TMEM131L: variants seen among roughly 807,000 people sequenced by gnomAD.
TMEM131L encodes transmembrane 131 like.
Under a neutral mutation model 192.2 loss-of-function variants are expected in TMEM131L, and 54 were observed. The observed-to-expected ratio is 0.28, with a 90% CI of 0.23 to 0.35. TMEM131L has a LOEUF of 0.35. Ranked by LOEUF, TMEM131L falls within the 10% of genes least tolerant of loss-of-function variation. The probability of loss-of-function intolerance (pLI) is 1.00; values close to 1 mark genes in which losing one functional copy is unlikely to be tolerated. For missense variants in TMEM131L, 1,888 were observed against 1,972.9 expected (o/e 0.96, Z 0.82); for synonymous variants, 701 against 704.9 (o/e 0.99, Z 0.09).
chr4:153,597,654 C>CA (rs1274121057), intron 20 of TMEM131L, among the ~76,000 whole-genome samples: 16 of 152,222 alleles, frequency 1.1e-4, no homozygotes, highest in Admixed American at 3.3e-4. Context: ...ATTTCCAGGC[C>CA]AGGTGTAGTG....
In TMEM131L at chr4:153,491,233, C is replaced by T. The variant is rs116907202; in HGVS notation, c.239+17345C>T. 2.7e-3 allele frequency among the ~76,000 whole-genome samples: 417 copies of T among 152,164 alleles called. 12 individuals are homozygous for T. In the East Asian group the frequency reaches 0.062, roughly 22 times the overall value. ...GAAACTGGTGAAGGAAAGACATGTT[C>T]CTAGAGAGCTGAACACCTGTAATAT... On this transcript the variant is annotated intron_variant, in intron 3 of 34. Transcript: ENST00000409959.
intron 26 of TMEM131L, 25 bp downstream of exon 26, chr4:153,612,425 TAA>T: frequency 6.4e-7 from 1 of 1,559,492 alleles, no homozygotes; most frequent in Non-Finnish European, 8.6e-7. Context: ...TCTTGCCTAT[TAA>T]AAACAAAATC....
chr4:153,510,431 T>C (rs1158568869), intron 3 of TMEM131L, among the ~76,000 whole-genome samples: 1 of 152,208 alleles, frequency 6.6e-6, no homozygotes, highest in Non-Finnish European at 1.5e-5. Context: ...TTCTCTTTCA[T>C]GATTACCATT....
intron 7 of TMEM131L, among the ~76,000 whole-genome samples, chr4:153,575,902 C>G (rs1729903939): frequency 6.6e-6 from 1 of 151,960 alleles, no homozygotes. Flanking sequence ...TGTGGTTGCC[C>G]CCTGGCTAAC....
chr4:153,520,389 A>C (rs1354267065), intron 3 of TMEM131L, among the ~76,000 whole-genome samples: 1 of 152,148 alleles, frequency 6.6e-6, no homozygotes, highest in Non-Finnish European at 1.5e-5. Context: ...AGGATAGCTG[A>C]TCACTGGAGG....
rs1174758652 is a variant in TMEM131L at position 153,555,534 on chromosome 4, T to C, written c.309-253T>C. Among the ~76,000 whole-genome samples the C allele has an allele frequency of 1.3e-5, 2 of 152,226 alleles. No individual in the cohort carries two copies. The highest frequency in any genetic ancestry group is 1.9e-4 in the East Asian group (1 of 5,206). ...TAGATGGGTTAAATTTTTCTAACAC[T>C]GAAACCAATGGAGTGCTACTGTGGG... On this transcript the variant is annotated intron_variant, in intron 4 of 34. Coordinates refer to ENST00000409959, the MANE Select transcript of TMEM131L (RefSeq NM_001131007.2). This position sits in a 1 kb window ranked among gnomAD's most constrained non-coding sequence, Gnocchi z 4.1.
intron 3 of TMEM131L, among the ~76,000 whole-genome samples, chr4:153,548,184 T>C (rs1737336093): frequency 6.6e-6 from 1 of 152,262 alleles, no homozygotes; most frequent in Non-Finnish European, 1.5e-5. Context: ...GGATTAGTGC[T>C]GGCCTTTTAG....
chr4:153,554,439 G>T (rs1580202598), intron 4 of TMEM131L, among the ~76,000 whole-genome samples: 2 of 152,288 alleles, frequency 1.3e-5, no homozygotes, highest in South Asian at 4.1e-4. Flanking sequence ...TTAAAAGGAA[G>T]GGTGAAAGCC....
At chr4:153,490,721 C>T (rs1264169453) in intron 3 of TMEM131L, among the ~76,000 whole-genome samples, 4 of 151,708 alleles carry the variant, frequency 2.6e-5, no homozygotes, top group South Asian at 2.1e-4. Context: ...TTTGGGAGGC[C>T]GAGGCGGGTG....
At chr4:153,493,345 C>CA (rs35052272) in intron 3 of TMEM131L, among the ~76,000 whole-genome samples, 810 of 72,708 alleles carry the variant, frequency 0.011, 11 homozygotes, top group African/African-American at 0.022. Flanking sequence ...GACTCTGTCT[C>CA]AAAAAAAAAA....
chr4:153,488,193 G>C (rs1333699801), intron 3 of TMEM131L, among the ~76,000 whole-genome samples: 1 of 152,104 alleles, frequency 6.6e-6, no homozygotes, highest in African/African-American at 2.4e-5. Context: ...GCCTGTGGCT[G>C]AGTTGTGTGT....
chr4:153,497,438 G>A (rs1421329060), intron 3 of TMEM131L, among the ~76,000 whole-genome samples: 1 of 152,020 alleles, frequency 6.6e-6, no homozygotes, highest in Non-Finnish European at 1.5e-5. Context: ...GTTACACCTC[G>A]GTTTTAAGCA....
chr4:153,467,143 T>G (rs1579992981), intron 1 of TMEM131L, 68 bp from the exon 2 acceptor site: 2 of 1,448,642 alleles, frequency 1.4e-6, no homozygotes, highest in Non-Finnish European at 9.5e-7. Flanking sequence ...GGAGGGACGG[T>G]AGGGGAAACA....
chr4:153,613,862 C>A (rs779170433), intron 26 of TMEM131L, among the ~76,000 whole-genome samples: 1 of 152,016 alleles, frequency 6.6e-6, no homozygotes, highest in Non-Finnish European at 1.5e-5. Context: ...AACTTTATAA[C>A]AAGCATGAGT....
chr4:153,620,758 A>C lies in TMEM131L; in HGVS notation c.3570A>C (p.Gln1190His). 1 of 1,509,322 alleles carries C rather than the reference A, an allele frequency of 6.6e-7. No homozygotes were observed. The highest frequency in any genetic ancestry group is 9.0e-7 in the Non-Finnish European group (1 of 1,108,186). 93.5% of individuals were successfully genotyped at this position (1,509,322 alleles called of 1,614,324 possible). A position where few individuals can be genotyped will look rare whatever the true frequency, so the allele number is the denominator to read the frequency against. ...SEKQDIPFVE[Q>H]EDPYRKKKLQ... ...AACATTTACTTTCTCTTCTTTAGCA[A>C]GAAGATCCTTATAGGAAGAAAAAGC... The change falls in exon 27 of 35, where the codon CAA becomes CAC. Residue 1190 changes from glutamine to histidine, a missense_variant and splice_region_variant. Physicochemically the swap from Gln to His is conservative, Grantham distance 24. Transcript: ENST00000409959.
At position 153,636,215 on chromosome 4, in the gene TMEM131L, A is replaced by G. The variant is rs555889902; in HGVS notation, c.4558-86A>G. 52 of 1,255,984 alleles carry G rather than the reference A, an allele frequency of 4.1e-5. No homozygotes were observed. The South Asian group carries it at 7.2e-4, about 17-fold the overall frequency. 77.8% of individuals were successfully genotyped at this position (1,255,984 alleles called of 1,614,324 possible). A position where few individuals can be genotyped will look rare whatever the true frequency, so the allele number is the denominator to read the frequency against. On this transcript the variant is annotated intron_variant, in intron 34 of 34. Coordinates refer to ENST00000409959, the MANE Select transcript of TMEM131L (RefSeq NM_001131007.2). ...AATAACTTCCAAGTAACTTGATAGC[A>G]TTGTAGTATTCGCTGATGTGTATTC...
intron 25 of TMEM131L, among the ~76,000 whole-genome samples, chr4:153,605,178 C>G (rs1732135321): frequency 6.6e-6 from 1 of 152,172 alleles, no homozygotes; most frequent in Non-Finnish European, 1.5e-5. Flanking sequence ...GACAGATGTT[C>G]TCATGTACCA....
intron 3 of TMEM131L, among the ~76,000 whole-genome samples, chr4:153,497,460 C>T (rs1261329118): frequency 6.6e-6 from 1 of 152,146 alleles, no homozygotes; most frequent in East Asian, 1.9e-4. Flanking sequence ...CCTCCCCTGG[C>T]CTCTGAGATA....
In TMEM131L at chr4:153,604,255, G is replaced by C; in HGVS notation, c.3243G>C (p.Gln1081His). 1 of 1,614,064 alleles carries C rather than the reference G, an allele frequency of 6.2e-7. No homozygotes were observed. The highest frequency in any genetic ancestry group is 8.5e-7 in the Non-Finnish European group (1 of 1,179,974). Residue 1081 changes from glutamine (Q) to histidine (H), a missense_variant, in exon 25 of 35, where the codon CAG (glutamine) becomes CAC (histidine). Physicochemically the swap from Gln to His is conservative, Grantham distance 24. Coordinates refer to ENST00000409959, the MANE Select transcript of TMEM131L (RefSeq NM_001131007.2). ...AATGTAGTATGAAGGAGGGAATACAGACATGTATGTTTCCTAAGGAAACTG... is the reference window on the plus strand; with the variant it reads ...AATGTAGTATGAAGGAGGGAATACACACATGTATGTTTCCTAAGGAAACTG... ...SSECSMKEGI[Q>H]TCMFPKETDI...
Sources: allele counts gnomAD v4.1 joint callset (sites outside exome capture counted in the v4.1 genomes callset), GRCh38; gene constraint gnomAD v4.1.1; non-coding constraint Gnocchi (gnomAD v3.1); transcripts MANE v1.5; gene names NCBI Gene and HGNC (gene_info 2026-07-23, HGNC 2026-07-21).